The following ANXA8 variants were observed in gnomAD, a reference collection of about 807,000 sequenced individuals.
The protein encoded by ANXA8 is annexin A8, also known as VAC-beta.
In ANXA8, 9 loss-of-function variants were observed where a neutral mutation model predicts 26.8. The ratio of observed to expected loss-of-function variants is 0.34; its 90% confidence interval spans 0.20 to 0.59. ANXA8 has a LOEUF of 0.59. ANXA8 is among the 20% of genes least tolerant of loss of function. The pLI, the probability that ANXA8 is intolerant of heterozygous loss-of-function variation, is 0.84. For synonymous variants in ANXA8, 39 were observed against 94.8 expected, an observed-to-expected ratio of 0.41 and a Z score of 3.42; for missense variants, 83 against 238.5, an observed-to-expected ratio of 0.35 and a Z score of 4.29.
chr10:47,737,616 G>T, the ANXA8 span, among the ~76,000 whole-genome samples: 1 of 151,548 alleles, frequency 6.6e-6, no homozygotes, highest in African/African-American at 2.4e-5. Flanking sequence ...CATTAAAATT[G>T]TTTTTCTCAG....
the ANXA8 span, among the ~76,000 whole-genome samples, chr10:47,686,217 T>G: frequency 6.8e-6 from 1 of 147,124 alleles, no homozygotes; most frequent in African/African-American, 2.5e-5. Flanking sequence ...CTGTAGTAGC[T>G]CCTATCACTT....
In ANXA8 at chr10:47,478,644, CA is replaced by C; in HGVS notation, c.113-18del. On this transcript the variant is annotated intron_variant, in intron 2 of 11. Transcript: ENST00000585281. ...CGTTGGTCCCTGCAGGGTTACAGCA[CA>C]AGTGACCCTGCTGCCCCCAGGGTGA... The C allele has an allele frequency of 1.4e-6, 1 of 734,770 alleles. No individual in the cohort carries two copies. Among genetic ancestry groups the C allele is most frequent in the Non-Finnish European group, 2.1e-6 (1 of 485,666 alleles). The allele number at this position is 734,770 out of a possible 1,614,324, so 45.5% of individuals were successfully genotyped here.
In ANXA8 at chr10:47,475,066, G is replaced by A. The variant is rs1839473274; in HGVS notation, c.493-62C>T. The A allele has an allele frequency of 2.4e-5, 37 of 1,523,518 alleles. 7 individuals carry two copies. The highest frequency in any genetic ancestry group is 3.3e-5 in the Non-Finnish European group (37 of 1,123,090). The allele number at this position is 1,523,518 out of a possible 1,614,324, so 94.4% of individuals were successfully genotyped here. Reference sequence around the variant, plus strand: ...GCTGACCAGAGCATTAAGGGCACAGGGGGGATCCTGGGCTTGGAGGGCAGG... The same window carrying A: ...GCTGACCAGAGCATTAAGGGCACAGAGGGGATCCTGGGCTTGGAGGGCAGG... On this transcript the variant is annotated intron_variant, in intron 6 of 11. Coordinates refer to ENST00000585281, the MANE Select transcript of ANXA8 (RefSeq NM_001040084.3).
the ANXA8 span, among the ~76,000 whole-genome samples, chr10:47,577,004 A>AT: frequency 6.8e-6 from 1 of 146,704 alleles, no homozygotes; most frequent in Admixed American, 6.8e-5. Context: ...TAAGTGATTC[A>AT]TCCTGTACAA....
chr10:47,722,762 A>C, the ANXA8 span, among the ~76,000 whole-genome samples: 4 of 142,520 alleles, frequency 2.8e-5, 1 homozygote, highest in African/African-American at 1.0e-4. Context: ...TGTTCATCAG[A>C]AGTGAGTTTA....
chr10:47,699,914 C>A, the ANXA8 span, among the ~76,000 whole-genome samples: 1 of 151,544 alleles, frequency 6.6e-6, no homozygotes, highest in Non-Finnish European at 1.5e-5. Context: ...AACTCATTTA[C>A]TATAGTAATA....
the ANXA8 span, among the ~76,000 whole-genome samples, chr10:47,705,687 A>G: frequency 6.6e-6 from 1 of 151,760 alleles, no homozygotes; most frequent in East Asian, 1.9e-4. Flanking sequence ...ATACACAGGA[A>G]TTTATGGTGC....
At chr10:47,733,295 C>CTT in the ANXA8 span, among the ~76,000 whole-genome samples, 22 of 56,244 alleles carry the variant, frequency 3.9e-4, no homozygotes, top group Admixed American at 3.0e-3. Context: ...TTCTTTCTTT[C>CTT]TTTTTTTTCT....
chr10:47,521,842 G>A, the ANXA8 span, among the ~76,000 whole-genome samples: 5 of 150,634 alleles, frequency 3.3e-5, no homozygotes, highest in Non-Finnish European at 5.9e-5. Flanking sequence ...GTGCATTGGC[G>A]TGATCTCTGC....
the ANXA8 span, among the ~76,000 whole-genome samples, chr10:47,596,123 ACACT>A: frequency 8.4e-6 from 1 of 118,966 alleles, no homozygotes; most frequent in Non-Finnish European, 1.7e-5. Flanking sequence ...TAAAACACAG[ACACT>A]CACACACAAA....
the ANXA8 span, among the ~76,000 whole-genome samples, chr10:47,515,496 T>TAA: frequency 8.5e-5 from 3 of 35,494 alleles, no homozygotes; most frequent in African/African-American, 2.3e-4. Flanking sequence ...GGGTAAAATG[T>TAA]AAAAAAAAAA....
the ANXA8 span, among the ~76,000 whole-genome samples, chr10:47,550,112 G>A: frequency 6.6e-6 from 1 of 151,400 alleles, no homozygotes; most frequent in Admixed American, 6.6e-5. Flanking sequence ...GCAAGACTCT[G>A]TCTCAAAAAA....
the ANXA8 span, among the ~76,000 whole-genome samples, chr10:47,696,829 G>A: frequency 6.6e-6 from 1 of 150,424 alleles, no homozygotes; most frequent in South Asian, 2.1e-4. Flanking sequence ...CTGGACTTAT[G>A]TAGATAGGCA....
chr10:47,604,732 T>C, the ANXA8 span, among the ~76,000 whole-genome samples: 1 of 152,292 alleles, frequency 6.6e-6, no homozygotes, highest in African/African-American at 2.4e-5. Context: ...ATCCTAGCAA[T>C]TGATGGTGAA....
chr10:47,521,793 T>G, the ANXA8 span, among the ~76,000 whole-genome samples: 3 of 151,450 alleles, frequency 2.0e-5, no homozygotes, highest in African/African-American at 7.3e-5. Flanking sequence ...TTCCTTTTTT[T>G]TTTGTGAGAC....
the ANXA8 span, among the ~76,000 whole-genome samples, chr10:47,952,217 G>A: frequency 1.3e-5 from 2 of 151,778 alleles, no homozygotes; most frequent in African/African-American, 2.4e-5. Flanking sequence ...TGGGAGTGAG[G>A]CAGGAATGTC....
chr10:47,733,207 TTCTTTCTTTCTTTCTCTTTCTTTC>T, the ANXA8 span, among the ~76,000 whole-genome samples: 215 of 90,016 alleles, frequency 2.4e-3, 2 homozygotes, highest in Admixed American at 8.1e-3. Flanking sequence ...CTTTCTTTCT[TTCTTTCTTTCTTTCTCTTTCTTTC>T]TCTCTTTCTT....
the ANXA8 span, among the ~76,000 whole-genome samples, chr10:47,980,407 AAAT>A: frequency 3.0e-3 from 456 of 151,528 alleles, no homozygotes; most frequent in African/African-American, 0.011. Flanking sequence ...AGAAAGAAGA[AAAT>A]AATAAAGATT....
the ANXA8 span, among the ~76,000 whole-genome samples, chr10:47,913,980 G>T: frequency 8.5e-5 from 1 of 11,810 alleles, no homozygotes; most frequent in African/African-American, 3.5e-4. Context: ...AAATTTTGCA[G>T]TACCTGTCTA....
Sources: allele counts gnomAD v4.1 joint callset (sites outside exome capture counted in the v4.1 genomes callset), GRCh38; gene constraint gnomAD v4.1.1; transcripts MANE v1.5; gene names NCBI Gene and HGNC (gene_info 2026-07-23, HGNC 2026-07-21).